Variants in UBE2Q2 observed in about 807,000 individuals in gnomAD.
UBE2Q2 encodes the protein ubiquitin conjugating enzyme E2 Q2.
Under a neutral mutation model 59.9 loss-of-function variants are expected in UBE2Q2, and 54 were observed. That is an observed-to-expected ratio of 0.90 (90% CI 0.72 to 1.13). UBE2Q2 has a LOEUF of 1.13. Among genes scored for constraint, UBE2Q2 ranks in the 50% most tolerant of loss-of-function variants. The probability of loss-of-function intolerance (pLI) is 0.00; values close to 1 mark genes in which losing one functional copy is unlikely to be tolerated. For missense variants in UBE2Q2, 433 were observed against 441.9 expected (o/e 0.98, Z 0.18); for synonymous variants, 165 against 155.2 (o/e 1.06, Z -0.47).
chr15:75,843,659 A>C lies in UBE2Q2; in HGVS notation c.-8A>C, dbSNP rs548655819. ...TTCCGCGCCCCTCCCGCCGGAGATG[A>C]GGGGAAGATGTCCGTGTCAGGGCTC... On this transcript the variant is annotated 5_prime_UTR_variant, in exon 1 of 13. Transcript: ENST00000267938. 2 of 1,578,884 alleles carry C rather than the reference A, an allele frequency of 1.3e-6. No individual in the cohort carries two copies. Among genetic ancestry groups the C allele is most frequent in the Non-Finnish European group, 1.7e-6 (2 of 1,163,476 alleles).
intron 9 of UBE2Q2, among the ~76,000 whole-genome samples, chr15:75,887,216 C>T (rs532874803): frequency 3.9e-4 from 59 of 152,060 alleles, no homozygotes; most frequent in Non-Finnish European, 7.6e-4. Flanking sequence ...ACTAAGTACT[C>T]CATTGATTAT....
chr15:75,889,317 CACTT>C (rs1898963002), intron 9 of UBE2Q2, among the ~76,000 whole-genome samples: 1 of 152,158 alleles, frequency 6.6e-6, no homozygotes, highest in Admixed American at 6.5e-5. Flanking sequence ...TGGGGAGAGA[CACTT>C]GCTTGGATTC....
intron 3 of UBE2Q2, among the ~76,000 whole-genome samples, chr15:75,862,835 AAAAAG>A (rs1897267318): frequency 6.6e-6 from 1 of 151,210 alleles, no homozygotes; most frequent in Non-Finnish European, 1.5e-5. Context: ...AAAAAAAAAA[AAAAAG>A]GACTGAAAGA....
chr15:75,847,398 C>T (rs528351985), intron 1 of UBE2Q2, among the ~76,000 whole-genome samples: 2 of 152,240 alleles, frequency 1.3e-5, no homozygotes, highest in South Asian at 4.1e-4. Context: ...AAGACCAAAA[C>T]AGAGTAGATG....
intron 1 of UBE2Q2, among the ~76,000 whole-genome samples, chr15:75,850,563 G>T (rs533633803): frequency 6.6e-6 from 1 of 152,340 alleles, no homozygotes; most frequent in Admixed American, 6.5e-5. Flanking sequence ...TGGAAATGGG[G>T]TGGGCTGGTA....
At chr15:75,875,345 C>T (rs896136440) in intron 5 of UBE2Q2, among the ~76,000 whole-genome samples, 2 of 152,088 alleles carry the variant, frequency 1.3e-5, no homozygotes, top group Admixed American at 6.5e-5. Flanking sequence ...TTTAATTTCA[C>T]GTGACCAAAA....
chr15:75,894,082 G>A (rs1022742404), intron 11 of UBE2Q2, among the ~76,000 whole-genome samples: 1 of 152,176 alleles, frequency 6.6e-6, no homozygotes, highest in Non-Finnish European at 1.5e-5. Context: ...TATAACTCAT[G>A]CAAACAGCCT....
At chr15:75,862,419 C>CT (rs553538678) in intron 3 of UBE2Q2, among the ~76,000 whole-genome samples, 147 of 139,172 alleles carry the variant, frequency 1.1e-3, no homozygotes, top group East Asian at 5.6e-3. Context: ...TTATTTTGGT[C>CT]TTTTTTTTTT....
At chr15:75,884,186 A>T (rs1459154378) in intron 9 of UBE2Q2, among the ~76,000 whole-genome samples, 1 of 152,252 alleles carries the variant, frequency 6.6e-6, no homozygotes, top group African/African-American at 2.4e-5. Flanking sequence ...CCCTCAAAGT[A>T]TGAGCAGTTT....
intron 1 of UBE2Q2, among the ~76,000 whole-genome samples, chr15:75,847,238 A>T (rs1896399360): frequency 1.3e-5 from 2 of 152,230 alleles, no homozygotes. Context: ...ATTTGAACAA[A>T]AATCTTAACT....
chr15:75,898,365 TA>T (rs962699737), intron 12 of UBE2Q2, among the ~76,000 whole-genome samples: 33 of 152,150 alleles, frequency 2.2e-4, no homozygotes, highest in Non-Finnish European at 3.5e-4. Flanking sequence ...TGTTTTTTTT[TA>T]AATCTTAAAA....
At position 75,899,713 on chromosome 15, in the gene UBE2Q2, A is replaced by G. The variant is rs1019087320; in HGVS notation, c.*255A>G. On this transcript the variant is annotated 3_prime_UTR_variant, in exon 13 of 13. Transcript: ENST00000267938. The stretch of plus-strand genomic sequence containing the variant: ...TAAATACACATACTGGCCACTCCTT[A>G]TCTCTTTTTCTTGAAAAGTGAACTT... 1.2e-5 allele frequency: 3 copies of G among 246,260 alleles called. No homozygotes were observed. The highest frequency in any genetic ancestry group is 2.3e-5 in the African/African-American group (1 of 44,210). The allele number at this position is 246,260 out of a possible 1,614,324, so 15.3% of individuals were successfully genotyped here.
chr15:75,860,028 C>G, intron 3 of UBE2Q2, 46 bp downstream of exon 3: 1 of 1,352,620 alleles, frequency 7.4e-7, no homozygotes, highest in African/African-American at 1.5e-5. Context: ...TAAATTGTCT[C>G]AAGCAAAAGT....
At chr15:75,891,709 G>GT (rs1222699797) in intron 11 of UBE2Q2, among the ~76,000 whole-genome samples, 3 of 152,118 alleles carry the variant, frequency 2.0e-5, no homozygotes, top group African/African-American at 7.2e-5. Context: ...ACATAAGGAT[G>GT]TTGTTCAGGC....
Position 75,890,372 on chromosome 15 carries a change from T to C in UBE2Q2, c.885-63T>C. On this transcript the variant is annotated intron_variant, in intron 9 of 12. Transcript: ENST00000267938. The stretch of plus-strand genomic sequence containing the variant: ...TGCATATTTTCTTGGTAATGGCACT[T>C]AGAAATTGTTTAAGGAGGAATAATT... 4 of 1,343,074 alleles carry C rather than the reference T, an allele frequency of 3.0e-6. No homozygotes were observed. The East Asian group carries it at 9.4e-5, about 32-fold the overall frequency. 83.2% of individuals were successfully genotyped at this position (1,343,074 alleles called of 1,614,324 possible).
Position 75,874,157 on chromosome 15 carries a change from G to A in UBE2Q2, c.588+589G>A, listed in dbSNP as rs543820646. On this transcript the variant is annotated intron_variant, in intron 5 of 12. Transcript: ENST00000267938. ...TTTCTCTGCTTACCTTCCTCTCATG[G>A]GATCTGTATATTCAAATTCATCCTC... Among the ~76,000 whole-genome samples the A allele has an allele frequency of 1.4e-4, 22 of 152,018 alleles. 2 individuals are homozygous for A. In the South Asian group the frequency reaches 4.0e-3, roughly 27 times the overall value.
chr15:75,862,089 T>G (rs2141581601), intron 3 of UBE2Q2, among the ~76,000 whole-genome samples: 1 of 152,332 alleles, frequency 6.6e-6, no homozygotes, highest in South Asian at 2.1e-4. Flanking sequence ...AGCTGCCAGG[T>G]GTTCTTAAGG....
At chr15:75,885,067 C>A (rs778941495) in intron 9 of UBE2Q2, among the ~76,000 whole-genome samples, 2 of 151,974 alleles carry the variant, frequency 1.3e-5, no homozygotes, top group Non-Finnish European at 2.9e-5. Context: ...ACACCTGCAA[C>A]CTAATCTTTG....
chr15:75,890,307 G>C lies in UBE2Q2; in HGVS notation c.885-128G>C. On this transcript the variant is annotated intron_variant, in intron 9 of 12. Transcript: ENST00000267938. Reference sequence around the variant, plus strand: ...CCATAGTCCTGTATCCCTAACAACTGTTGTCATGTTTGCATGTTATTTTCT... The same window carrying C: ...CCATAGTCCTGTATCCCTAACAACTCTTGTCATGTTTGCATGTTATTTTCT... The C allele has an allele frequency of 9.0e-6, 6 of 669,050 alleles. 1 individual carries two copies. Among genetic ancestry groups the C allele is most frequent in the Non-Finnish European group, 1.0e-5 (4 of 389,022 alleles). 41.4% of individuals were successfully genotyped at this position (669,050 alleles called of 1,614,324 possible). A position where few individuals can be genotyped will look rare whatever the true frequency, so the allele number is the denominator to read the frequency against.
Sources: gnomAD v4.1 joint callset for allele counts (sites outside exome capture counted in the v4.1 genomes callset) on GRCh38, gnomAD v4.1.1 for gene constraint, MANE v1.5 for transcripts, NCBI Gene and HGNC (gene_info 2026-07-23, HGNC 2026-07-21) for gene names.